Variants in TBC1D8B observed in about 807,000 individuals in gnomAD.
TBC1D8B encodes the protein TBC1 domain family member 8B.
A neutral mutation model predicts 82.9 loss-of-function variants in TBC1D8B; 75 were observed. The observed-to-expected ratio is 0.90, with a 90% CI of 0.75 to 1.10. The LOEUF is 1.10. Among genes scored for constraint, TBC1D8B ranks in the 50% least tolerant of loss-of-function variants. The pLI is 0.00. For synonymous variants in TBC1D8B, 276 were observed against 276.8 expected, an observed-to-expected ratio of 1.00 and a Z score of 0.03; for missense variants, 794 against 796.9, an observed-to-expected ratio of 1.00 and a Z score of 0.04.
chrX:106,846,810 T>C (rs1037486784), intron 10 of TBC1D8B, among the ~76,000 whole-genome samples: 4 of 111,689 alleles, frequency 3.6e-5, no homozygotes, highest in Non-Finnish European at 7.5e-5. Context: ...GCAATGGACA[T>C]GAAAGGATTA....
intron 1 of TBC1D8B, 97 bp downstream of exon 1, chrX:106,803,080 C>A: frequency 2.0e-6 from 2 of 1,002,691 alleles, no homozygotes; most frequent in Non-Finnish European, 2.6e-6. Flanking sequence ...GTTTCCCGAT[C>A]CTAAATCGTG....
At chrX:106,867,691 A>G (rs1426968742) in intron 17 of TBC1D8B, among the ~76,000 whole-genome samples, 1 of 111,550 alleles carries the variant, frequency 9.0e-6, no homozygotes, top group Non-Finnish European at 1.9e-5. Flanking sequence ...ACAAAAACAA[A>G]CAGCACCTCA....
intron 16 of TBC1D8B, 70 bp downstream of exon 16, chrX:106,866,103 A>G (rs1197024908): frequency 2.1e-5 from 21 of 1,019,052 alleles, no homozygotes; most frequent in South Asian, 1.2e-4. Flanking sequence ...ATTATTGCCA[A>G]TTTAGTCAGA....
chrX:106,840,064 A>C lies in TBC1D8B; in HGVS notation c.1370A>C (p.Lys457Thr). ...LNSKMLKEKM[K>T]EQSWKILFAE... ...TCATTACAGTTGAAAGAAAAAATGA[A>C]GGAACAGTCATGGAAAATACTGTTT... Residue 457 changes from lysine (K) to threonine (T), a missense_variant, in exon 9 of 21, where the codon AAG becomes ACG. Physicochemically the swap from Lys to Thr is moderately conservative, Grantham distance 78 (BLOSUM62 -1). Transcript: ENST00000357242. 8.4e-7 allele frequency: 1 copy of C among 1,196,161 alleles called. No individual in the cohort carries two copies. Among genetic ancestry groups the C allele is most frequent in the Non-Finnish European group, 1.1e-6 (1 of 889,775 alleles).
chrX:106,865,906 G>T lies in TBC1D8B; in HGVS notation c.2535G>T (p.Ala845=). The change falls in exon 16 of 21, where the codon GCG becomes GCT. Residue 845 remains alanine, a synonymous_variant. Transcript: ENST00000357242. ...QYQIDCQQFR[A]LYHLLSPWAH... ...AGATTGACTGCCAGCAGTTCAGAGC[G>T]TTGTATCACTTGTTGAGTCCCTGGG... The T allele has an allele frequency of 1.7e-6, 2 of 1,211,374 alleles. No homozygotes were observed. Among genetic ancestry groups the T allele is most frequent in the African/African-American group, 1.7e-5 (1 of 57,706 alleles).
intron 3 of TBC1D8B, among the ~76,000 whole-genome samples, chrX:106,821,596 G>A (rs771072754): frequency 3.1e-4 from 34 of 111,050 alleles, no homozygotes; most frequent in South Asian, 1.9e-3. Flanking sequence ...TCTGGCCGCC[G>A]CTGTAGATAC....
At chrX:106,847,501 T>C (rs188525650) in intron 10 of TBC1D8B, among the ~76,000 whole-genome samples, 129 of 112,029 alleles carry the variant, frequency 1.2e-3, no homozygotes, top group Non-Finnish European at 1.3e-3. Flanking sequence ...CCATTAAGGA[T>C]TTATTACTTT....
Position 106,865,890 on chromosome X carries a change from G to T in TBC1D8B, c.2519G>T (p.Cys840Phe), listed in dbSNP as rs757640492. The T allele has an allele frequency of 5.8e-6, 7 of 1,209,375 alleles. No individual in the cohort carries two copies. In the East Asian group the frequency reaches 1.8e-4, roughly 31 times the overall value. Residue 840 changes from cysteine to phenylalanine, a missense_variant, in exon 16 of 21, where the codon TGC becomes TTC. Coordinates refer to ENST00000357242, the MANE Select transcript of TBC1D8B (RefSeq NM_017752.3). ...TATTTGGAACAGTATCAGATTGACT[G>T]CCAGCAGTTCAGAGCGTTGTATCAC... is the stretch of plus-strand genomic sequence containing the variant. ...LPYLEQYQIDCQQFRALYHLL... is the reference protein window; with the variant it reads ...LPYLEQYQIDFQQFRALYHLL...
At chrX:106,852,065 C>T (rs1388248218) in intron 12 of TBC1D8B, among the ~76,000 whole-genome samples, 80 of 109,376 alleles carry the variant, frequency 7.3e-4, no homozygotes, top group South Asian at 1.6e-3. Context: ...TCCACATCCT[C>T]TCCAGTACCT....
intron 5 of TBC1D8B, 73 bp from the exon 6 acceptor site, chrX:106,825,957 T>C (rs1253563357): frequency 1.1e-6 from 1 of 885,193 alleles, no homozygotes; most frequent in Non-Finnish European, 1.6e-6. Context: ...TTAGTCAATA[T>C]AGGCATATGT....
At chrX:106,822,488 A>G (rs1234260275) in intron 4 of TBC1D8B, among the ~76,000 whole-genome samples, 1 of 111,014 alleles carries the variant, frequency 9.0e-6, no homozygotes, top group Non-Finnish European at 1.9e-5. Flanking sequence ...AACTACCTAC[A>G]TGCTTTAGTC....
chrX:106,822,141 G>A lies in TBC1D8B; in HGVS notation c.525G>A (p.Gln175=). ...ATTGGAAAGGACGGGTTCCTTGTCAGGGTTGGCTTTATCTTAGCACCAACT... is the reference window on the plus strand; with the variant it reads ...ATTGGAAAGGACGGGTTCCTTGTCAAGGTTGGCTTTATCTTAGCACCAACT... ...CSYWKGRVPC[Q]GWLYLSTNFL... Residue 175 remains glutamine (Q), a synonymous_variant, in exon 4 of 21, where the codon CAG becomes CAA. Coordinates refer to ENST00000357242, the MANE Select transcript of TBC1D8B (RefSeq NM_017752.3). The A allele has an allele frequency of 8.3e-7, 1 of 1,209,586 alleles. No homozygotes were observed. The highest frequency in any genetic ancestry group is 1.1e-6 in the Non-Finnish European group (1 of 894,595).
chrX:106,821,147 A>C (rs1400425259), intron 3 of TBC1D8B, 152 bp downstream of exon 3: 4 of 368,438 alleles, frequency 1.1e-5, no homozygotes, highest in Non-Finnish European at 1.9e-5. Context: ...AGTGTGCTAA[A>C]GAAAACTGTA....
At chrX:106,805,072 CTTTTTTT>C (rs11432144) in intron 1 of TBC1D8B, among the ~76,000 whole-genome samples, 31 of 54,575 alleles carry the variant, frequency 5.7e-4, no homozygotes, top group African/African-American at 9.5e-4. Flanking sequence ...TGCAAGTTTC[CTTTTTTT>C]TTTTTTTTTT....
At chrX:106,811,895 C>T (rs1401517906) in intron 1 of TBC1D8B, among the ~76,000 whole-genome samples, 1 of 110,595 alleles carries the variant, frequency 9.0e-6, no homozygotes, top group Non-Finnish European at 1.9e-5. Context: ...CTTTTTTTCC[C>T]AGAAGACATT....
chrX:106,827,394 G>A, intron 7 of TBC1D8B, 57 bp downstream of exon 7: 1 of 1,161,652 alleles, frequency 8.6e-7, no homozygotes, highest in South Asian at 1.9e-5. Context: ...GTTTAGTGTA[G>A]CCCATTCTTC....
chrX:106,867,896 G>A (rs1467229567), intron 17 of TBC1D8B, among the ~76,000 whole-genome samples: 1 of 110,938 alleles, frequency 9.0e-6, no homozygotes, highest in African/African-American at 3.3e-5. Flanking sequence ...GTCAAATCAG[G>A]CTACTGTTAG....
intron 1 of TBC1D8B, among the ~76,000 whole-genome samples, chrX:106,816,059 A>G (rs764365229): frequency 1.6e-4 from 18 of 111,344 alleles, no homozygotes; most frequent in Non-Finnish European, 3.2e-4. Flanking sequence ...AGTTCTGGCC[A>G]GGGCAATTAG....
intron 1 of TBC1D8B, among the ~76,000 whole-genome samples, chrX:106,816,166 T>A (rs904097502): frequency 9.0e-6 from 1 of 111,406 alleles, no homozygotes; most frequent in Non-Finnish European, 1.9e-5. Flanking sequence ...AAAACCCCAT[T>A]GTCTAAGCCC....
Sources: gnomAD v4.1 joint callset for allele counts (sites outside exome capture counted in the v4.1 genomes callset) on GRCh38, gnomAD v4.1.1 for gene constraint, MANE v1.5 for transcripts, NCBI Gene and HGNC (gene_info 2026-07-23, HGNC 2026-07-21) for gene names.